Variants in RTL4 observed in about 807,000 individuals in gnomAD.
The protein encoded by RTL4 is retrotransposon Gag like 4.
Under a neutral mutation model 5.3 loss-of-function variants are expected in RTL4, and 4 were observed. That is an observed-to-expected ratio of 0.75 (90% CI 0.37 to 1.72). The LOEUF (loss-of-function observed/expected upper bound fraction) is 1.72, where lower values mean the gene tolerates loss of function less well. Ranked by LOEUF, RTL4 falls within the 40% of genes most tolerant of loss-of-function variation. The pLI, the probability that RTL4 is intolerant of heterozygous loss-of-function variation, is 0.04. For missense variants in RTL4, 260 were observed against 227.1 expected (o/e 1.14, Z -0.93); for synonymous variants, 98 against 87.3 (o/e 1.12, Z -0.68).
the RTL4 span, among the ~76,000 whole-genome samples, chrX:112,330,445 A>G: frequency 1.8e-5 from 2 of 110,201 alleles, no homozygotes; most frequent in East Asian, 5.6e-4. Flanking sequence ...AATCCAATTT[A>G]CAAGGGATGT....
the RTL4 span, among the ~76,000 whole-genome samples, chrX:112,376,698 G>A: frequency 5.2e-4 from 58 of 111,532 alleles, no homozygotes; most frequent in African/African-American, 1.6e-3. Flanking sequence ...GTTTTGCACC[G>A]TCATTTGTAT....
At chrX:112,169,086 TTC>T in the RTL4 span, among the ~76,000 whole-genome samples, 2 of 55,954 alleles carry the variant, frequency 3.6e-5, no homozygotes, top group Non-Finnish European at 6.6e-5. Context: ...TTTCTTTCTT[TTC>T]TTTCTTTCTT....
chrX:112,413,135 C>T, the RTL4 span, among the ~76,000 whole-genome samples: 9 of 111,816 alleles, frequency 8.0e-5, no homozygotes, highest in African/African-American at 2.6e-4. Context: ...CAGAGAAATG[C>T]AAATCAAAAC....
chrX:112,207,219 T>G, the RTL4 span, among the ~76,000 whole-genome samples: 2 of 111,726 alleles, frequency 1.8e-5, no homozygotes, highest in African/African-American at 6.5e-5. Context: ...CAGGAACCAC[T>G]TCTCTTAACT....
At chrX:112,181,160 C>T in the RTL4 span, among the ~76,000 whole-genome samples, 1 of 111,941 alleles carries the variant, frequency 8.9e-6, no homozygotes, top group South Asian at 3.7e-4. Context: ...AGATACTACG[C>T]TTTTACCGTG....
chrX:112,192,135 G>A, the RTL4 span, among the ~76,000 whole-genome samples: 5 of 93,664 alleles, frequency 5.3e-5, no homozygotes, highest in Admixed American at 1.2e-4. Context: ...CACTCATTTA[G>A]TACCTTTAAT....
At chrX:112,189,770 A>T in the RTL4 span, among the ~76,000 whole-genome samples, 1 of 110,957 alleles carries the variant, frequency 9.0e-6, no homozygotes, top group Non-Finnish European at 1.9e-5. Flanking sequence ...ATCTCAAAAA[A>T]AAAAAGAAAT....
chrX:112,148,075 T>C, the RTL4 span, among the ~76,000 whole-genome samples: 2 of 111,164 alleles, frequency 1.8e-5, no homozygotes, highest in South Asian at 3.8e-4. Flanking sequence ...CCAACATACA[T>C]TGAATGAATA....
At chrX:112,171,618 C>T in the RTL4 span, among the ~76,000 whole-genome samples, 5 of 111,503 alleles carry the variant, frequency 4.5e-5, no homozygotes, top group South Asian at 3.7e-4. Context: ...TTATCATTTC[C>T]GATTGTGTCT....
At chrX:112,145,001 G>T in the RTL4 span, among the ~76,000 whole-genome samples, 1 of 110,879 alleles carries the variant, frequency 9.0e-6, no homozygotes, top group African/African-American at 3.3e-5. Flanking sequence ...GGTTCTACAA[G>T]TCCTTTTTTT....
At chrX:112,083,903 C>T in the RTL4 span, among the ~76,000 whole-genome samples, 7 of 111,000 alleles carry the variant, frequency 6.3e-5, no homozygotes, top group Middle Eastern at 9.2e-3. Flanking sequence ...ATGGCCTGGC[C>T]GCACAGCCCC....
the RTL4 span, among the ~76,000 whole-genome samples, chrX:112,231,083 G>A: frequency 9.0e-6 from 1 of 110,590 alleles, no homozygotes; most frequent in Non-Finnish European, 1.9e-5. Context: ...AACAGGTGCT[G>A]GAGAGGATGT....
the RTL4 span, among the ~76,000 whole-genome samples, chrX:112,200,755 T>A: frequency 1.6e-4 from 18 of 112,080 alleles, no homozygotes; most frequent in Admixed American, 1.7e-3. Context: ...TTATTATCCA[T>A]GAGTCTGCAA....
chrX:112,272,370 G>A, the RTL4 span, among the ~76,000 whole-genome samples: 1 of 111,926 alleles, frequency 8.9e-6, no homozygotes, highest in Non-Finnish European at 1.9e-5. Flanking sequence ...TTATGAGTTA[G>A]GATTTGTCTG....
chrX:112,400,292 G>A, the RTL4 span, among the ~76,000 whole-genome samples: 720 of 111,374 alleles, frequency 6.5e-3, 5 homozygotes, highest in African/African-American at 0.022. Context: ...ATTATGTTTC[G>A]TTTGGGATCA....
the RTL4 span, among the ~76,000 whole-genome samples, chrX:112,225,309 G>T: frequency 1.4e-4 from 16 of 111,895 alleles, no homozygotes; most frequent in Non-Finnish European, 3.0e-4. Flanking sequence ...TATACATAGT[G>T]CAAGATTTGG....
the RTL4 span, among the ~76,000 whole-genome samples, chrX:112,167,029 T>G: frequency 9.0e-6 from 1 of 111,523 alleles, no homozygotes; most frequent in Non-Finnish European, 1.9e-5. Context: ...GTAAACACAC[T>G]GAAAGCATCT....
chrX:112,091,788 T>C, the RTL4 span, among the ~76,000 whole-genome samples: 2 of 111,308 alleles, frequency 1.8e-5, no homozygotes, highest in Non-Finnish European at 3.8e-5. Flanking sequence ...ATTTTCTTAA[T>C]GATTTTCTGT....
chrX:112,141,435 T>C, the RTL4 span, among the ~76,000 whole-genome samples: 3 of 111,917 alleles, frequency 2.7e-5, no homozygotes, highest in Non-Finnish European at 5.6e-5. Flanking sequence ...ATATAGTTGC[T>C]ATATCCTCTG....
Sources: gnomAD v4.1 joint callset for allele counts (sites outside exome capture counted in the v4.1 genomes callset) on GRCh38, gnomAD v4.1.1 for gene constraint, MANE v1.5 for transcripts, NCBI Gene and HGNC (gene_info 2026-07-23, HGNC 2026-07-21) for gene names.